ARHGEF28: variants seen among roughly 807,000 people sequenced by gnomAD.
The protein encoded by ARHGEF28 is 190 kDa guanine nucleotide exchange factor.
Under a neutral mutation model 206.6 loss-of-function variants are expected in ARHGEF28, and 152 were observed. The observed-to-expected ratio is 0.74, with a 90% CI of 0.64 to 0.84. The LOEUF (loss-of-function observed/expected upper bound fraction) is 0.84. Among genes scored for constraint, ARHGEF28 ranks in the 40% least tolerant of loss-of-function variants. ARHGEF28 has a pLI of 0.00. For synonymous variants in ARHGEF28, 763 were observed against 776.4 expected, an observed-to-expected ratio of 0.98 and a Z score of 0.29; for missense variants, 2,028 against 2,073.2, an observed-to-expected ratio of 0.98 and a Z score of 0.42.
At chr5:73,901,129 C>T in intron 30 of ARHGEF28, 55 bp from the exon 31 acceptor site, 2 of 1,460,952 alleles carry the variant, frequency 1.4e-6, no homozygotes, top group East Asian at 2.3e-5. Context: ...ACCCGGTGGG[C>T]TGGCCGATGT....
intron 14 of ARHGEF28, among the ~76,000 whole-genome samples, chr5:73,856,502 T>C (rs1467783662): frequency 1.3e-5 from 2 of 152,104 alleles, no homozygotes; most frequent in African/African-American, 2.4e-5. Flanking sequence ...ATTAATAGGT[T>C]TGAGCTCTAA....
At chr5:73,801,942 A>G (rs1755156525) in intron 9 of ARHGEF28, among the ~76,000 whole-genome samples, 1 of 152,254 alleles carries the variant, frequency 6.6e-6, no homozygotes, top group Non-Finnish European at 1.5e-5. Flanking sequence ...ACCAAGGTTG[A>G]GAATCACGGT....
intron 28 of ARHGEF28, 192 bp downstream of exon 28, chr5:73,893,480 G>A: frequency 4.7e-6 from 2 of 427,694 alleles, no homozygotes. Flanking sequence ...TTCCACCTTA[G>A]TGATTAAAAT....
chr5:73,677,301 C>G (rs185868131), intron 1 of ARHGEF28, among the ~76,000 whole-genome samples: 1 of 152,154 alleles, frequency 6.6e-6, no homozygotes, highest in Non-Finnish European at 1.5e-5. Context: ...ACAAGGACTT[C>G]CCATATATTC....
chr5:73,938,307 G>C (rs779490937), intron 35 of ARHGEF28, among the ~76,000 whole-genome samples: 2 of 152,036 alleles, frequency 1.3e-5, no homozygotes, highest in African/African-American at 2.4e-5. Flanking sequence ...CAATTTGGCT[G>C]TTTTGAACAA....
At chr5:73,855,732 CA>C (rs777664317) in intron 14 of ARHGEF28, among the ~76,000 whole-genome samples, 472 of 121,538 alleles carry the variant, frequency 3.9e-3, no homozygotes, top group Middle Eastern at 9.0e-3. Flanking sequence ...AACTCCATCT[CA>C]AAAAAAAAAA....
intron 14 of ARHGEF28, 90 bp from the exon 15 acceptor site, chr5:73,857,564 TAC>T (rs4066802): frequency 0.042 from 47,845 of 1,140,902 alleles, 29 homozygotes; most frequent in East Asian, 0.12. Context: ...CATATATGTG[TAC>T]ACACACACAC....
chr5:73,728,332 A>T (rs998141290), intron 2 of ARHGEF28, among the ~76,000 whole-genome samples: 1 of 152,220 alleles, frequency 6.6e-6, no homozygotes, highest in Non-Finnish European at 1.5e-5. Context: ...TAAATGGGTC[A>T]CAACTGGTGG....
intron 17 of ARHGEF28, among the ~76,000 whole-genome samples, 166 bp from the exon 18 acceptor site, chr5:73,865,799 A>G (rs1210008600): frequency 6.6e-6 from 1 of 152,168 alleles, no homozygotes; most frequent in Non-Finnish European, 1.5e-5. Flanking sequence ...TTATTGTCAC[A>G]TTTGACTCTT....
intron 2 of ARHGEF28, among the ~76,000 whole-genome samples, chr5:73,723,667 A>T (rs554770429): frequency 6.6e-6 from 1 of 152,352 alleles, no homozygotes; most frequent in South Asian, 2.1e-4. Context: ...TAAGCTCAAG[A>T]GGAAGTTTCT....
intron 28 of ARHGEF28, among the ~76,000 whole-genome samples, chr5:73,893,513 A>G (rs1761777048): frequency 1.3e-5 from 2 of 152,242 alleles, no homozygotes; most frequent in Admixed American, 6.5e-5. Context: ...TGCACATAAC[A>G]TATATGAAAC....
chr5:73,747,265 A>C (rs938862758), intron 2 of ARHGEF28, among the ~76,000 whole-genome samples: 1 of 152,168 alleles, frequency 6.6e-6, no homozygotes, highest in African/African-American at 2.4e-5. Context: ...ACTGAAAGAG[A>C]TACTTTGGAA....
At chr5:73,939,559 C>T (rs1742458108) in intron 35 of ARHGEF28, among the ~76,000 whole-genome samples, 1 of 152,202 alleles carries the variant, frequency 6.6e-6, no homozygotes. Context: ...CTTGGTGCAG[C>T]TCCTCCAGGG....
chr5:73,728,709 T>C (rs1580534754), intron 2 of ARHGEF28, among the ~76,000 whole-genome samples: 1 of 152,244 alleles, frequency 6.6e-6, no homozygotes, highest in African/African-American at 2.4e-5. Flanking sequence ...CCTGATGAGA[T>C]CAGCCATTGA....
chr5:73,672,581 T>C (rs1041557106), intron 1 of ARHGEF28, among the ~76,000 whole-genome samples: 1 of 152,204 alleles, frequency 6.6e-6, no homozygotes, highest in Non-Finnish European at 1.5e-5. Flanking sequence ...TGACAGTACA[T>C]TGGGTTTTGG....
chr5:73,807,833 C>T (rs952230130), intron 9 of ARHGEF28, among the ~76,000 whole-genome samples: 1 of 151,494 alleles, frequency 6.6e-6, no homozygotes, highest in African/African-American at 2.4e-5. Flanking sequence ...GGAAATCTAT[C>T]ATTAATATTT....
intron 1 of ARHGEF28, among the ~76,000 whole-genome samples, chr5:73,680,074 T>C (rs1038583899): frequency 6.6e-6 from 1 of 152,134 alleles, no homozygotes; most frequent in Non-Finnish European, 1.5e-5. Flanking sequence ...AAACTTCTTA[T>C]AAGAGCAGCT....
chr5:73,858,696 A>G (rs1372798836), intron 16 of ARHGEF28, among the ~76,000 whole-genome samples: 2 of 152,184 alleles, frequency 1.3e-5, no homozygotes, highest in Admixed American at 6.5e-5. Flanking sequence ...GTCTAAAGCC[A>G]CCATTTCTAC....
intron 2 of ARHGEF28, among the ~76,000 whole-genome samples, chr5:73,712,673 G>A (rs1212542364): frequency 6.6e-6 from 1 of 152,194 alleles, no homozygotes; most frequent in African/African-American, 2.4e-5. Flanking sequence ...CTGGCACAAA[G>A]TTCAGTGAAC....
Sources: gnomAD v4.1 joint callset for allele counts (sites outside exome capture counted in the v4.1 genomes callset) on GRCh38, gnomAD v4.1.1 for gene constraint, MANE v1.5 for transcripts, NCBI Gene and HGNC (gene_info 2026-07-23, HGNC 2026-07-21) for gene names.